Variants in PAK2 observed in about 807,000 individuals in gnomAD.
PAK2 encodes the protein p21 (RAC1) activated kinase 2.
Under a neutral mutation model 65.9 loss-of-function variants are expected in PAK2, and 21 were observed. The observed-to-expected ratio is 0.32, with a 90% CI of 0.23 to 0.46. The LOEUF (loss-of-function observed/expected upper bound fraction) is 0.46. Ranked by LOEUF, PAK2 falls within the 20% of genes least tolerant of loss-of-function variation. The probability of loss-of-function intolerance (pLI) is 1.00; values close to 1 mark genes in which losing one functional copy is unlikely to be tolerated. For synonymous variants in PAK2, 204 were observed against 219.7 expected (o/e 0.93, Z 0.63); for missense variants, 324 against 642.6 (o/e 0.50, Z 5.36).
At chr3:196,761,026 C>T (rs1320064822) in intron 1 of PAK2, among the ~76,000 whole-genome samples, 2 of 151,946 alleles carry the variant, frequency 1.3e-5, no homozygotes, top group Non-Finnish European at 2.9e-5. Flanking sequence ...ATCAGGAGTT[C>T]AAGACCAGCC....
intron 2 of PAK2, among the ~76,000 whole-genome samples, chr3:196,789,771 C>A (rs1290701739): frequency 6.6e-6 from 1 of 152,124 alleles, no homozygotes; most frequent in African/African-American, 2.4e-5. Flanking sequence ...GGCCGGAAAA[C>A]AATTTTTCTG....
chr3:196,815,559 C>T (rs779316372), intron 11 of PAK2, among the ~76,000 whole-genome samples: 33 of 151,284 alleles, frequency 2.2e-4, no homozygotes, highest in African/African-American at 5.8e-4. Flanking sequence ...GAGGCCGAGG[C>T]GGGCAGATCA....
chr3:196,827,619 G>C (rs931598487), intron 14 of PAK2, among the ~76,000 whole-genome samples: 1 of 151,938 alleles, frequency 6.6e-6, no homozygotes, highest in African/African-American at 2.4e-5. Context: ...GGGGGGAGTG[G>C]GGAGGGATAG....
At chr3:196,814,911 G>C (rs1475508152) in intron 11 of PAK2, among the ~76,000 whole-genome samples, 1 of 152,154 alleles carries the variant, frequency 6.6e-6, no homozygotes, top group African/African-American at 2.4e-5. Context: ...TGGGCGCGGT[G>C]GCTCACGCCT....
In PAK2 at chr3:196,747,571, T is replaced by G. The variant is rs185472927; in HGVS notation, c.-22+7414T>G. On this transcript the variant is annotated intron_variant, in intron 1 of 14. Transcript: ENST00000327134. ...TCTTTTAAAATATCTTTTAAACTTA[T>G]TGAGTGTTTCTTGTGACTTAAAACA... Among the ~76,000 whole-genome samples the G allele has an allele frequency of 1.4e-4, 21 of 152,280 alleles. 1 individual carries two copies. Among genetic ancestry groups the G allele is most frequent in the Admixed American group, 1.3e-3 (20 of 15,300 alleles).
intron 8 of PAK2, among the ~76,000 whole-genome samples, chr3:196,811,065 C>G (rs1253105423): frequency 1.3e-5 from 2 of 151,936 alleles, no homozygotes; most frequent in Non-Finnish European, 2.9e-5. Context: ...AGTATACTAA[C>G]TAAACTCCTT....
Position 196,742,354 on chromosome 3 carries a change from C to G in PAK2, c.-22+2197C>G, listed in dbSNP as rs115109720. On this transcript the variant is annotated intron_variant, in intron 1 of 14. Coordinates refer to ENST00000327134, the MANE Select transcript of PAK2 (RefSeq NM_002577.4). The stretch of plus-strand genomic sequence containing the variant: ...CTGCCCGCCTCAGCCTCCCAAAATG[C>G]TGGGATAGGCGTGAGCCACGGCACA... 9.0e-4 allele frequency among the ~76,000 whole-genome samples: 137 copies of G among 152,230 alleles called. 1 individual carries two copies. The highest frequency in any genetic ancestry group is 3.2e-3 in the African/African-American group (131 of 41,576).
At position 196,802,032 on chromosome 3, in the gene PAK2, GT is replaced by G; in HGVS notation, c.288+7del. ...GCTGTTACTGGAGAATTCACTGTAA[GT>G]TAACCTAGTTCGGGCCCATTTATAA... is the stretch of plus-strand genomic sequence containing the variant. On this transcript the variant is annotated splice_donor_region_variant and intron_variant, in intron 3 of 14. Transcript: ENST00000327134. 7.0e-7 allele frequency: 1 copy of G among 1,431,446 alleles called. No individual in the cohort carries two copies. Among genetic ancestry groups the G allele is most frequent in the Non-Finnish European group, 9.9e-7 (1 of 1,013,802 alleles). 88.7% of individuals were successfully genotyped at this position (1,431,446 alleles called of 1,614,324 possible).
At chr3:196,812,578 C>G (rs58038636) in intron 9 of PAK2, among the ~76,000 whole-genome samples, 161 bp from the exon 10 acceptor site, 29,348 of 152,074 alleles carry the variant, frequency 0.19, 3,623 homozygotes, top group African/African-American at 0.34. Context: ...CTAAACATTA[C>G]AAAGCATTGT....
chr3:196,815,820 C>G (rs892560234), intron 11 of PAK2, among the ~76,000 whole-genome samples: 3 of 151,776 alleles, frequency 2.0e-5, no homozygotes, highest in Non-Finnish European at 4.4e-5. Flanking sequence ...CGCCACTCAA[C>G]CGTGGAAACT....
Position 196,786,307 on chromosome 3 carries a change from C to T in PAK2, c.187+3474C>T, listed in dbSNP as rs192221058. ...CCTCCCGAGTAGCTGGGATTACAGGCGCCTGCCACCGCGCCCGGCTAATTT... is the reference window on the plus strand; with the variant it reads ...CCTCCCGAGTAGCTGGGATTACAGGTGCCTGCCACCGCGCCCGGCTAATTT... On this transcript the variant is annotated intron_variant, in intron 2 of 14. Transcript: ENST00000327134. Among the ~76,000 whole-genome samples the T allele has an allele frequency of 9.9e-5, 15 of 151,936 alleles. No individual in the cohort carries two copies. In the East Asian group the frequency reaches 1.4e-3, roughly 14 times the overall value.
chr3:196,767,314 T>C (rs77831108), intron 1 of PAK2, among the ~76,000 whole-genome samples: 3,365 of 152,248 alleles, frequency 0.022, 60 homozygotes, highest in Middle Eastern at 0.068. Context: ...TCAAAAGGTA[T>C]ATATGTAGTC....
rs751630016 is a variant in PAK2 at position 196,812,287 on chromosome 3, C to A, written c.822+20C>A. 3.2e-5 allele frequency: 47 copies of A among 1,460,860 alleles called. 1 individual carries two copies. In the Admixed American group the frequency reaches 7.0e-4, roughly 22 times the overall value. 90.5% of individuals were successfully genotyped at this position (1,460,860 alleles called of 1,614,324 possible). ...CAGGAGGTAGTTACTTTGTTGTAAT[C>A]CTGGGTGTTACCATTATTTTGTCAT... On this transcript the variant is annotated intron_variant, in intron 9 of 14. Transcript: ENST00000327134.
At chr3:196,757,023 G>A (rs1435142202) in intron 1 of PAK2, among the ~76,000 whole-genome samples, 2 of 152,228 alleles carry the variant, frequency 1.3e-5, no homozygotes, top group Non-Finnish European at 2.9e-5. Flanking sequence ...GACACAGGTA[G>A]CCCCTATTGT....
intron 4 of PAK2, among the ~76,000 whole-genome samples, chr3:196,803,383 G>C (rs1353087866): frequency 6.6e-6 from 1 of 152,182 alleles, no homozygotes; most frequent in Non-Finnish European, 1.5e-5. Flanking sequence ...AGAAACGGGA[G>C]TTGATGGATA....
intron 11 of PAK2, among the ~76,000 whole-genome samples, chr3:196,817,850 T>A (rs1032567818): frequency 5.9e-5 from 9 of 152,154 alleles, no homozygotes; most frequent in Admixed American, 5.9e-4. Context: ...TAAAAAATTT[T>A]ATTTTCTTAT....
intron 8 of PAK2, among the ~76,000 whole-genome samples, chr3:196,811,085 G>T (rs1181875026): frequency 1.3e-5 from 2 of 151,550 alleles, no homozygotes; most frequent in Non-Finnish European, 1.5e-5. Context: ...TTTTTCTGTT[G>T]CTTGGAAGCA....
At chr3:196,801,817 G>A in intron 2 of PAK2, 110 bp from the exon 3 acceptor site, 1 of 625,522 alleles carries the variant, frequency 1.6e-6, no homozygotes, top group Non-Finnish European at 2.8e-6. Flanking sequence ...TGGGCAACAA[G>A]AGCGAAACTC....
At chr3:196,803,201 T>G in intron 4 of PAK2, 37 bp downstream of exon 4, 1 of 1,504,966 alleles carries the variant, frequency 6.6e-7, no homozygotes, top group East Asian at 2.4e-5. Flanking sequence ...AGATGGAGAT[T>G]TGTGAAGCAC....
Sources: gnomAD v4.1 joint callset for allele counts (sites outside exome capture counted in the v4.1 genomes callset) on GRCh38, gnomAD v4.1.1 for gene constraint, MANE v1.5 for transcripts, NCBI Gene and HGNC (gene_info 2026-07-23, HGNC 2026-07-21) for gene names.